The following BICRA variants were observed in gnomAD, a reference collection of about 807,000 sequenced individuals.
BICRA encodes the protein BRD4 interacting chromatin remodeling complex associated protein, also known as BRD4-interacting chromatin-remodeling complex-associated protein.
Under a neutral mutation model 96.9 loss-of-function variants are expected in BICRA, and 31 were observed. The ratio of observed to expected loss-of-function variants is 0.32; its 90% CI spans 0.24 to 0.43. The LOEUF is 0.43. BICRA is among the 20% of genes least tolerant of loss of function. The pLI is 1.00. For synonymous variants in BICRA, 1,350 were observed against 1,071.8 expected, an observed-to-expected ratio of 1.26 and a Z score of -5.07; for missense variants, 2,283 against 2,190.3, an observed-to-expected ratio of 1.04 and a Z score of -0.84.
At chr19:47,628,056 C>T (rs1242680631) in intron 1 of BICRA, among the ~76,000 whole-genome samples, 1 of 152,206 alleles carries the variant, frequency 6.6e-6, no homozygotes. Flanking sequence ...GTGTGAGCCA[C>T]CGCGCCGGGC....
intron 1 of BICRA, among the ~76,000 whole-genome samples, chr19:47,666,660 C>T (rs1370261461): frequency 1.3e-5 from 2 of 152,066 alleles, no homozygotes; most frequent in Non-Finnish European, 2.9e-5. Context: ...CAGCCTTGGC[C>T]TCTGTAGCTC....
intron 1 of BICRA, among the ~76,000 whole-genome samples, chr19:47,650,592 A>G (rs565291071): frequency 6.6e-6 from 1 of 152,244 alleles, no homozygotes; most frequent in African/African-American, 2.4e-5. Context: ...AAAAGGTGCA[A>G]TGATTTTTGC....
chr19:47,610,216 G>A (rs1341600093), intron 1 of BICRA, among the ~76,000 whole-genome samples: 1 of 152,198 alleles, frequency 6.6e-6, no homozygotes, highest in African/African-American at 2.4e-5. Flanking sequence ...AGGGAGGAGG[G>A]ATGGAGCCAT....
intron 6 of BICRA, 41 bp downstream of exon 6, chr19:47,681,317 G>T: frequency 6.6e-7 from 1 of 1,520,038 alleles, no homozygotes; most frequent in East Asian, 2.4e-5. Flanking sequence ...CGGAGGAGGC[G>T]GGTTTGGGAG....
chr19:47,633,328 C>T (rs182399204), intron 1 of BICRA, among the ~76,000 whole-genome samples: 154 of 152,094 alleles, frequency 1.0e-3, no homozygotes, highest in Non-Finnish European at 1.5e-3. Context: ...GATCCGCCTG[C>T]CTTGGCCTCC....
In BICRA at chr19:47,676,010, C is replaced by G. The variant is rs184596381; in HGVS notation, c.150+94C>G. On this transcript the variant is annotated intron_variant, in intron 5 of 14. Coordinates refer to ENST00000594866, the MANE Select transcript of BICRA (RefSeq NM_001394372.1). ...CAAGAGGGGAGGCTTGGGCTCATCT[C>G]GTGAGGGCTGTTGACAGGAGGAGGG... 1,113 of 405,996 alleles carry G rather than the reference C, an allele frequency of 2.7e-3. 3 individuals carry two copies. Among genetic ancestry groups the G allele is most frequent in the Non-Finnish European group, 4.1e-3 (896 of 216,606 alleles). The allele number at this position is 405,996 out of a possible 1,614,324, so 25.1% of individuals were successfully genotyped here. A position where few individuals can be genotyped will look rare whatever the true frequency, so the allele number is the denominator to read the frequency against.
chr19:47,664,673 G>A (rs902897781), intron 1 of BICRA, among the ~76,000 whole-genome samples: 6 of 152,322 alleles, frequency 3.9e-5, no homozygotes, highest in African/African-American at 1.2e-4. Flanking sequence ...AGGCAGCTTC[G>A]GCTGTGTGAT....
intron 1 of BICRA, among the ~76,000 whole-genome samples, chr19:47,655,275 C>T (rs1005314354): frequency 8.5e-5 from 13 of 152,056 alleles, no homozygotes; most frequent in Admixed American, 3.3e-4. Flanking sequence ...CCTGTAATCC[C>T]AGCACTTTGG....
In BICRA at chr19:47,682,049, C is replaced by T. The variant is rs777964384; in HGVS notation, c.2180C>T (p.Pro727Leu). 68 of 1,550,384 alleles carry T rather than the reference C, an allele frequency of 4.4e-5. No individual in the cohort carries two copies. The highest frequency in any genetic ancestry group is 2.9e-4 in the East Asian group (12 of 42,008). The change falls in exon 7 of 15, where the codon CCG (proline) becomes CTG (leucine). Residue 727 changes from proline to leucine, a missense_variant. Pro to Leu is a moderately conservative substitution (Grantham distance 98, BLOSUM62 -3). Coordinates refer to ENST00000594866, the MANE Select transcript of BICRA (RefSeq NM_001394372.1). ...CCTGCCTCGGTCATAGTCAGCGCCC[C>T]GCCTCCCGCCCAAGACCCAGCCCCA... ...SVPASVIVSA[P>L]PPAQDPAPAT... is the part of the protein sequence containing the mutation.
At chr19:47,689,528 C>A (rs1599860051) in intron 7 of BICRA, among the ~76,000 whole-genome samples, 1 of 152,278 alleles carries the variant, frequency 6.6e-6, no homozygotes, top group Non-Finnish European at 1.5e-5. Context: ...CTCCCTGCCT[C>A]AGCCTCCGGA....
At chr19:47,641,121 T>A (rs934245380) in intron 1 of BICRA, among the ~76,000 whole-genome samples, 1 of 144,896 alleles carries the variant, frequency 6.9e-6, no homozygotes, top group Non-Finnish European at 1.5e-5. Context: ...CGGGTTTCAC[T>A]GTGTTAGCCA....
intron 7 of BICRA, among the ~76,000 whole-genome samples, chr19:47,687,378 G>A (rs1050115715): frequency 6.6e-6 from 1 of 152,048 alleles, no homozygotes; most frequent in Non-Finnish European, 1.5e-5. Context: ...GCTATAGTTT[G>A]CCTCTTTCTT....
chr19:47,701,008 G>T lies in BICRA; in HGVS notation c.3596-320G>T, dbSNP rs537516033. On this transcript the variant is annotated intron_variant, in intron 14 of 14. Transcript: ENST00000594866. The surrounding 1 kb of genome is among the most constrained non-coding windows in gnomAD (Gnocchi z 5.4). ...GGCCAGGCAGGTCTCAAACTCCTGG[G>T]CTCAAGCGATCCCCCTCCCTTGGCC... 131 of 408,338 alleles carry T rather than the reference G, an allele frequency of 3.2e-4. 1 individual carries two copies. The South Asian group carries it at 3.8e-3, about 12-fold the overall frequency. 25.3% of individuals were successfully genotyped at this position (408,338 alleles called of 1,614,324 possible).
intron 1 of BICRA, among the ~76,000 whole-genome samples, chr19:47,618,578 G>A (rs181889588): frequency 1.3e-5 from 2 of 152,068 alleles, no homozygotes; most frequent in South Asian, 2.1e-4. Context: ...CCCCCAGCCC[G>A]GCCCCGCTAC....
At chr19:47,629,872 G>A (rs949440403) in intron 1 of BICRA, among the ~76,000 whole-genome samples, 7 of 152,086 alleles carry the variant, frequency 4.6e-5, no homozygotes, top group African/African-American at 1.7e-4. Flanking sequence ...TGGCCAGCGT[G>A]GTCTCTAACT....
At chr19:47,646,934 T>G (rs1456016154) in intron 1 of BICRA, among the ~76,000 whole-genome samples, 3 of 152,178 alleles carry the variant, frequency 2.0e-5, no homozygotes, top group Non-Finnish European at 4.4e-5. Context: ...CTGCATCCCT[T>G]AGCCATCATC....
intron 1 of BICRA, among the ~76,000 whole-genome samples, chr19:47,636,040 C>T (rs4802373): frequency 2.6e-5 from 4 of 152,154 alleles, no homozygotes; most frequent in Admixed American, 2.6e-4. Flanking sequence ...ACATTACCTT[C>T]AGACTATGTG....
At chr19:47,611,603 C>G (rs950397700) in intron 1 of BICRA, among the ~76,000 whole-genome samples, 1 of 152,162 alleles carries the variant, frequency 6.6e-6, no homozygotes, top group Non-Finnish European at 1.5e-5. Flanking sequence ...CCCTGTGACC[C>G]GCTGTCGCTT....
Position 47,702,859 on chromosome 19 carries a change from C to T in BICRA, c.*444C>T, listed in dbSNP as rs1460420779. ...CTTCCAGACAGTCTCAGCCTCTCCC[C>T]GCCGCCCCCAACAGGCTGTCAAACA... On this transcript the variant is annotated 3_prime_UTR_variant, in exon 15 of 15. Transcript: ENST00000594866. 2.2e-5 allele frequency: 4 copies of T among 183,274 alleles called. No individual in the cohort carries two copies. Among genetic ancestry groups the T allele is most frequent in the Non-Finnish European group, 3.3e-5 (3 of 89,790 alleles). The allele number at this position is 183,274 out of a possible 1,614,324, so 11.4% of individuals were successfully genotyped here. A position where few individuals can be genotyped will look rare whatever the true frequency, so the allele number is the denominator to read the frequency against.
Sources: gnomAD v4.1 joint callset for allele counts (sites outside exome capture counted in the v4.1 genomes callset) on GRCh38, gnomAD v4.1.1 for gene constraint, Gnocchi (gnomAD v3.1) non-coding constraint, MANE v1.5 for transcripts, NCBI Gene and HGNC (gene_info 2026-07-23, HGNC 2026-07-21) for gene names.